FAM135B: variants seen among roughly 807,000 people sequenced by gnomAD.
The protein encoded by FAM135B is protein FAM135B.
Under a neutral mutation model 127.7 loss-of-function variants are expected in FAM135B, and 43 were observed. That is an observed-to-expected ratio of 0.34 (90% CI 0.26 to 0.43). FAM135B has a LOEUF of 0.43. Among genes scored for constraint, FAM135B ranks in the 20% least tolerant of loss-of-function variants. The pLI is 1.00. For missense variants in FAM135B, 1,558 were observed against 1,725.6 expected (o/e 0.90, Z 1.72); for synonymous variants, 670 against 665.1 (o/e 1.01, Z -0.11).
chr8:138,275,770 TA>T (rs1823774591), intron 3 of FAM135B, among the ~76,000 whole-genome samples: 1 of 152,156 alleles, frequency 6.6e-6, no homozygotes, highest in Non-Finnish European at 1.5e-5. Flanking sequence ...GAATGAAATC[TA>T]AAGTCTTTAC....
At chr8:138,230,860 A>G (rs527984618) in intron 7 of FAM135B, among the ~76,000 whole-genome samples, 132 of 152,260 alleles carry the variant, frequency 8.7e-4, no homozygotes, top group Admixed American at 2.2e-3. Flanking sequence ...TTTTGTTTAA[A>G]AAACTGATTA....
intron 1 of FAM135B, among the ~76,000 whole-genome samples, chr8:138,461,876 G>A (rs967976152): frequency 2.0e-5 from 3 of 152,022 alleles, no homozygotes; most frequent in African/African-American, 7.2e-5. Flanking sequence ...TTCAACCCAC[G>A]AGGGTGGGAG....
In FAM135B at chr8:138,141,122, A is replaced by C; in HGVS notation, c.3790+76T>G. ...GCACAGTCACAGGGTTCCAAGTGGA[A>C]GTACCTGTGCCCGGTTTCACGCCCC... On this transcript the variant is annotated intron_variant, in intron 17 of 19. Coordinates refer to ENST00000395297, the MANE Select transcript of FAM135B (RefSeq NM_015912.4). The surrounding 1 kb of genome is among the most constrained non-coding windows in gnomAD (Gnocchi z 4.7). 7.1e-7 allele frequency: 1 copy of C among 1,415,316 alleles called. No homozygotes were observed. Among genetic ancestry groups the C allele is most frequent in the Non-Finnish European group, 9.8e-7 (1 of 1,016,742 alleles). 87.7% of individuals were successfully genotyped at this position (1,415,316 alleles called of 1,614,324 possible).
At chr8:138,351,194 A>T (rs1278561393) in intron 2 of FAM135B, among the ~76,000 whole-genome samples, 1 of 152,108 alleles carries the variant, frequency 6.6e-6, no homozygotes, top group Admixed American at 6.6e-5. Context: ...CTTCAAAGAG[A>T]TATGCTCAAG....
At chr8:138,445,477 T>C (rs1220903089) in intron 1 of FAM135B, among the ~76,000 whole-genome samples, 1 of 152,192 alleles carries the variant, frequency 6.6e-6, no homozygotes, top group African/African-American at 2.4e-5. Context: ...GCTTCATCCC[T>C]GGGATGCAAG....
intron 7 of FAM135B, among the ~76,000 whole-genome samples, chr8:138,213,726 G>C (rs140186107): frequency 2.6e-5 from 4 of 152,082 alleles, no homozygotes; most frequent in Admixed American, 6.6e-5. Context: ...AAAATGGACT[G>C]GGGGGTTGTA....
rs28708585 is a variant in FAM135B, at chr8:138,242,816, A to G, written c.669+126T>C. On this transcript the variant is annotated intron_variant, in intron 7 of 19. Transcript: ENST00000395297. This position sits in a 1 kb window ranked among gnomAD's most constrained non-coding sequence, Gnocchi z 9.6. ...AAAACAAGGGGTGGGAAGATGGTGA[A>G]AGGAAGGGTCAAATTAGCAAAAATC... 0.011 allele frequency: 13,879 copies of G among 1,279,972 alleles called. 1,190 individuals are homozygous for G. In the African/African-American group the frequency reaches 0.19, roughly 17 times the overall value. 79.3% of individuals were successfully genotyped at this position (1,279,972 alleles called of 1,614,324 possible).
At chr8:138,321,245 A>G (rs1462470715) in intron 2 of FAM135B, among the ~76,000 whole-genome samples, 1 of 152,134 alleles carries the variant, frequency 6.6e-6, no homozygotes, top group Non-Finnish European at 1.5e-5. Context: ...CCCATATTTC[A>G]TTAAAGATAT....
At chr8:138,322,336 G>A (rs1827503701) in intron 2 of FAM135B, among the ~76,000 whole-genome samples, 1 of 152,102 alleles carries the variant, frequency 6.6e-6, no homozygotes, top group South Asian at 2.1e-4. Context: ...CAGGATATGA[G>A]CTAAGCTTCC....
At chr8:138,283,922 G>A (rs529879357) in intron 3 of FAM135B, among the ~76,000 whole-genome samples, 36 of 151,850 alleles carry the variant, frequency 2.4e-4, no homozygotes, top group South Asian at 2.3e-3. Flanking sequence ...CAGCATGGGC[G>A]AAGGTAGCTT....
intron 1 of FAM135B, among the ~76,000 whole-genome samples, chr8:138,371,318 T>C (rs950330068): frequency 3.9e-5 from 6 of 152,138 alleles, no homozygotes; most frequent in Non-Finnish European, 7.4e-5. Flanking sequence ...AATAGACCCA[T>C]GACACATACC....
chr8:138,228,488 C>G (rs1291382945), intron 7 of FAM135B, among the ~76,000 whole-genome samples: 1 of 152,050 alleles, frequency 6.6e-6, no homozygotes, highest in Non-Finnish European at 1.5e-5. Flanking sequence ...ATTTGTTGCA[C>G]TTCTGATGTT....
At chr8:138,388,245 C>A (rs1303867023) in intron 1 of FAM135B, among the ~76,000 whole-genome samples, 1 of 152,144 alleles carries the variant, frequency 6.6e-6, no homozygotes, top group East Asian at 1.9e-4. Flanking sequence ...ACTAACAATA[C>A]CAAATGATGG....
At chr8:138,455,654 C>A (rs939970122) in intron 1 of FAM135B, among the ~76,000 whole-genome samples, 2 of 152,104 alleles carry the variant, frequency 1.3e-5, no homozygotes, top group Non-Finnish European at 2.9e-5. Flanking sequence ...TACATTCTGG[C>A]TCTGTTCTTT....
At chr8:138,419,169 A>G (rs764470214) in intron 1 of FAM135B, among the ~76,000 whole-genome samples, 1 of 152,132 alleles carries the variant, frequency 6.6e-6, no homozygotes, top group Non-Finnish European at 1.5e-5. Flanking sequence ...AGATCTATCA[A>G]GCAAACAGAA....
chr8:138,164,777 C>T (rs933714886), intron 12 of FAM135B, among the ~76,000 whole-genome samples: 1 of 152,188 alleles, frequency 6.6e-6, no homozygotes, highest in Non-Finnish European at 1.5e-5. Context: ...GTGCTCTGAC[C>T]ACCTTGGGTA....
At chr8:138,207,665 G>A (rs1241558410) in intron 7 of FAM135B, among the ~76,000 whole-genome samples, 2 of 152,200 alleles carry the variant, frequency 1.3e-5, no homozygotes, top group African/African-American at 4.8e-5. Flanking sequence ...TACTGTGGGT[G>A]AGAAGGCTAA....
chr8:138,193,822 G>A lies in FAM135B; in HGVS notation c.873+1436C>T, dbSNP rs1816363077. The stretch of plus-strand genomic sequence containing the variant: ...CTACTATGTAGATGAGGAATCCCAG[G>A]CCCCAGAGGGTGAGCCCATTGTCTC... On this transcript the variant is annotated intron_variant, in intron 9 of 19. Coordinates refer to ENST00000395297, the MANE Select transcript of FAM135B (RefSeq NM_015912.4). 2.0e-5 allele frequency among the ~76,000 whole-genome samples: 3 copies of A among 152,280 alleles called. No homozygotes were observed. The South Asian group carries it at 6.2e-4, about 32-fold the overall frequency.
Position 138,168,038 on chromosome 8 carries a change from T to C in FAM135B, c.1115A>G (p.His372Arg). The C allele has an allele frequency of 6.2e-7, 1 of 1,613,240 alleles. No individual in the cohort carries two copies. Reference protein sequence around the residue: ...LTFQENLIQTHSQLSLDIRNS... With the variant: ...LTFQENLIQTRSQLSLDIRNS... ...CCGGATATCCAGGGACAGCTGGCTG[T>C]GCGTCTGTATCCTGGGGAGCACATG... Residue 372 changes from histidine to arginine, a missense_variant, in exon 12 of 20, where the codon CAC becomes CGC. Physicochemically the swap from His to Arg is conservative, Grantham distance 29. Coordinates refer to ENST00000395297, the MANE Select transcript of FAM135B (RefSeq NM_015912.4).
Sources: allele counts gnomAD v4.1 joint callset (sites outside exome capture counted in the v4.1 genomes callset), GRCh38; gene constraint gnomAD v4.1.1; non-coding constraint Gnocchi (gnomAD v3.1); transcripts MANE v1.5; gene names NCBI Gene and HGNC (gene_info 2026-07-23, HGNC 2026-07-21).